The following GPHN variants were observed in gnomAD, a reference collection of about 807,000 sequenced individuals.
GPHN encodes the protein gephyrin.
In GPHN, 17 loss-of-function variants were observed where a neutral mutation model predicts 95.5. The ratio of observed to expected loss-of-function variants is 0.18; its 90% CI spans 0.12 to 0.27. The LOEUF (loss-of-function observed/expected upper bound fraction) is 0.27. Among genes scored for constraint, GPHN ranks in the 10% least tolerant of loss-of-function variants. GPHN has a pLI of 1.00. For synonymous variants in GPHN, 320 were observed against 322.5 expected (o/e 0.99, Z 0.08); for missense variants, 660 against 978.1 (o/e 0.67, Z 4.34).
intron 1 of GPHN, among the ~76,000 whole-genome samples, chr14:66,585,336 C>T (rs887436189): frequency 6.6e-6 from 1 of 152,064 alleles, no homozygotes; most frequent in African/African-American, 2.4e-5. Context: ...TTTCAAAAAA[C>T]CAGCTCCTGG....
intron 5 of GPHN, among the ~76,000 whole-genome samples, chr14:66,907,008 G>T (rs368058808): frequency 6.6e-6 from 1 of 152,184 alleles, no homozygotes; most frequent in Admixed American, 6.6e-5. Context: ...CTTGCTAGTT[G>T]TCTGTCTAGT....
At chr14:67,215,418 T>A in the GPHN span, among the ~76,000 whole-genome samples, 2 of 152,016 alleles carry the variant, frequency 1.3e-5, no homozygotes, top group Non-Finnish European at 2.9e-5. Context: ...TTTTTTTTTT[T>A]ATGATAACCA....
At chr14:67,491,676 C>G in the GPHN span, among the ~76,000 whole-genome samples, 1 of 152,226 alleles carries the variant, frequency 6.6e-6, no homozygotes. Context: ...GGGGAGCCCT[C>G]TGGTTACTCA....
chr14:67,473,757 G>A, the GPHN span: 3 of 1,613,716 alleles, frequency 1.9e-6, no homozygotes, highest in South Asian at 2.2e-5. The surrounding 1 kb of genome is among the most constrained non-coding windows in gnomAD (Gnocchi z 6.5). Context: ...GATGAGGATG[G>A]AGGTGCCGTA....
chr14:67,651,669 G>A, the GPHN span: 1 of 470,444 alleles, frequency 2.1e-6, no homozygotes, highest in Admixed American at 3.9e-5. Flanking sequence ...CTACCTCACA[G>A]AAATGTTAAA....
chr14:66,696,846 G>A (rs775551729), intron 2 of GPHN, among the ~76,000 whole-genome samples: 2 of 152,122 alleles, frequency 1.3e-5, no homozygotes, highest in African/African-American at 2.4e-5. Context: ...AATTTATTTT[G>A]TTTTTCCTTT....
chr14:67,061,798 C>T (rs1402491915), intron 11 of GPHN, among the ~76,000 whole-genome samples: 1 of 152,116 alleles, frequency 6.6e-6, no homozygotes, highest in Non-Finnish European at 1.5e-5. Flanking sequence ...AGGCATAAGC[C>T]ACCATGCCTG....
At chr14:66,903,744 G>A (rs2065234242) in intron 5 of GPHN, among the ~76,000 whole-genome samples, 1 of 151,850 alleles carries the variant, frequency 6.6e-6, no homozygotes, top group Non-Finnish European at 1.5e-5. Context: ...TTCATATGTG[G>A]TTTCAGTGAT....
chr14:67,314,214 G>A, the GPHN span, among the ~76,000 whole-genome samples: 1 of 150,838 alleles, frequency 6.6e-6, no homozygotes, highest in Non-Finnish European at 1.5e-5. Flanking sequence ...TGAAAAAAAA[G>A]ACTGAGAAAT....
the GPHN span, among the ~76,000 whole-genome samples, chr14:67,299,397 ACTTC>A: frequency 2.0e-5 from 3 of 152,182 alleles, no homozygotes; most frequent in Non-Finnish European, 4.4e-5. Context: ...CCATTCTTTT[ACTTC>A]CTTCCTTTTG....
At chr14:67,544,330 A>G in the GPHN span, among the ~76,000 whole-genome samples, 1 of 152,194 alleles carries the variant, frequency 6.6e-6, no homozygotes, top group Non-Finnish European at 1.5e-5. Flanking sequence ...GTGGTTTAGG[A>G]AACCCAAGTT....
At chr14:67,667,522 T>C in the GPHN span, among the ~76,000 whole-genome samples, 1 of 152,096 alleles carries the variant, frequency 6.6e-6, no homozygotes, top group Non-Finnish European at 1.5e-5. Flanking sequence ...TTAAAAGAAA[T>C]AATACACATA....
At chr14:66,725,240 AT>A (rs1308159357) in intron 2 of GPHN, among the ~76,000 whole-genome samples, 1 of 152,194 alleles carries the variant, frequency 6.6e-6, no homozygotes, top group Non-Finnish European at 1.5e-5. Flanking sequence ...TATGTATTTT[AT>A]TACAGCAGCC....
intron 1 of GPHN, among the ~76,000 whole-genome samples, chr14:66,616,834 A>G (rs2063059124): frequency 6.6e-6 from 1 of 152,052 alleles, no homozygotes; most frequent in Non-Finnish European, 1.5e-5. Flanking sequence ...CAGTCTCCCA[A>G]GTAGCTGGGA....
intron 8 of GPHN, among the ~76,000 whole-genome samples, chr14:66,954,242 C>A (rs1010589629): frequency 2.0e-5 from 3 of 152,242 alleles, no homozygotes; most frequent in African/African-American, 7.2e-5. Flanking sequence ...ACCATCTTAA[C>A]AATATTAAGT....
chr14:67,412,384 CG>C, the GPHN span, among the ~76,000 whole-genome samples: 1 of 152,214 alleles, frequency 6.6e-6, no homozygotes, highest in Non-Finnish European at 1.5e-5. Context: ...CAGCGTCCTT[CG>C]CCAGGTGCTT....
chr14:67,397,791 G>A, the GPHN span: 1 of 1,612,874 alleles, frequency 6.2e-7, no homozygotes, highest in Non-Finnish European at 8.5e-7. Flanking sequence ...GCCGAAGGAT[G>A]AACCATCGCG....
chr14:67,026,736 G>A (rs1330391225), intron 10 of GPHN, among the ~76,000 whole-genome samples: 1 of 151,990 alleles, frequency 6.6e-6, no homozygotes, highest in Non-Finnish European at 1.5e-5. Flanking sequence ...TCCGCCTCCC[G>A]GGTTCACGCC....
At chr14:67,317,129 T>C in the GPHN span, among the ~76,000 whole-genome samples, 3 of 152,166 alleles carry the variant, frequency 2.0e-5, no homozygotes, top group Admixed American at 6.6e-5. Flanking sequence ...TCCTGAAAAA[T>C]AGTCTTTATA....
Sources: gnomAD v4.1 joint callset for allele counts (sites outside exome capture counted in the v4.1 genomes callset) on GRCh38, gnomAD v4.1.1 for gene constraint, Gnocchi (gnomAD v3.1) non-coding constraint, MANE v1.5 for transcripts, NCBI Gene and HGNC (gene_info 2026-07-23, HGNC 2026-07-21) for gene names.